The following CACNA2D1 variants were observed in gnomAD, a reference collection of about 807,000 sequenced individuals.
CACNA2D1 encodes the protein voltage-dependent calcium channel subunit alpha-2/delta-1.
CACNA2D1 carries 53 observed loss-of-function variants against 171.5 expected under a neutral mutation model. The observed-to-expected ratio is 0.31, with a 90% CI of 0.25 to 0.39. The LOEUF (loss-of-function observed/expected upper bound fraction) is 0.39, where lower values mean the gene tolerates loss of function less well. Ranked by LOEUF, CACNA2D1 falls within the 10% of genes least tolerant of loss-of-function variation. The pLI is 1.00. For synonymous variants in CACNA2D1, 442 were observed against 443.1 expected (o/e 1.00, Z 0.03); for missense variants, 903 against 1,299.8 (o/e 0.69, Z 4.69).
At chr7:82,426,855 A>T (rs141681080) in intron 1 of CACNA2D1, among the ~76,000 whole-genome samples, 15 of 152,254 alleles carry the variant, frequency 9.9e-5, no homozygotes, top group Admixed American at 4.6e-4. Flanking sequence ...CTGGGGTTTC[A>T]GTTACCCGCA....
chr7:82,295,882 G>A (rs1812215767), intron 3 of CACNA2D1, among the ~76,000 whole-genome samples: 1 of 151,872 alleles, frequency 6.6e-6, no homozygotes, highest in Admixed American at 6.6e-5. Context: ...ATGATAGACT[G>A]GATTAAGAAA....
intron 3 of CACNA2D1, among the ~76,000 whole-genome samples, chr7:82,186,144 G>A (rs866817893): frequency 2.2e-5 from 3 of 136,238 alleles, no homozygotes; most frequent in Admixed American, 7.9e-5. Flanking sequence ...TGACAAGAGC[G>A]AAACTCTGTC....
At chr7:82,139,792 T>C (rs937872637) in intron 4 of CACNA2D1, among the ~76,000 whole-genome samples, 2 of 151,594 alleles carry the variant, frequency 1.3e-5, no homozygotes, top group African/African-American at 2.4e-5. Flanking sequence ...TTTTTTTTTT[T>C]TTTCTTTATT....
At chr7:82,355,596 C>T (rs1820329377) in intron 1 of CACNA2D1, among the ~76,000 whole-genome samples, 1 of 152,048 alleles carries the variant, frequency 6.6e-6, no homozygotes, top group South Asian at 2.1e-4. Context: ...ATGTCTTATC[C>T]TTTTCCTAAC....
intron 3 of CACNA2D1, among the ~76,000 whole-genome samples, chr7:82,318,567 G>T (rs1351224986): frequency 1.3e-5 from 2 of 152,040 alleles, no homozygotes; most frequent in Non-Finnish European, 2.9e-5. Context: ...GAATAAAAAG[G>T]CTAGACCCCT....
chr7:82,234,200 T>A (rs1040485024), intron 3 of CACNA2D1, among the ~76,000 whole-genome samples: 7 of 152,092 alleles, frequency 4.6e-5, no homozygotes, highest in Non-Finnish European at 7.4e-5. Flanking sequence ...GAGGATAAAA[T>A]GAATTATGTG....
intron 3 of CACNA2D1, among the ~76,000 whole-genome samples, chr7:82,278,485 G>C (rs1016969751): frequency 1.3e-5 from 2 of 149,974 alleles, no homozygotes; most frequent in African/African-American, 4.9e-5. Context: ...TTGAGCCCAG[G>C]AGGCAGAGGT....
At chr7:82,129,917 A>C (rs1790755598) in intron 5 of CACNA2D1, among the ~76,000 whole-genome samples, 1 of 152,168 alleles carries the variant, frequency 6.6e-6, no homozygotes, top group Non-Finnish European at 1.5e-5. Flanking sequence ...ACAATAGGGC[A>C]AGCGTTTTCT....
At chr7:81,968,994 T>C in intron 28 of CACNA2D1, 21 bp from the exon 29 acceptor site, 1 of 1,220,584 alleles carries the variant, frequency 8.2e-7, no homozygotes, top group Non-Finnish European at 1.2e-6. Context: ...AATAAATAAA[T>C]AAAACACCTA....
intron 3 of CACNA2D1, among the ~76,000 whole-genome samples, chr7:82,283,466 T>C (rs569527649): frequency 6.6e-6 from 1 of 152,208 alleles, no homozygotes; most frequent in African/African-American, 2.4e-5. Flanking sequence ...TTAAAACATA[T>C]AATCAAATAG....
chr7:82,026,021 A>G (rs1183553146), intron 12 of CACNA2D1, among the ~76,000 whole-genome samples: 3 of 146,352 alleles, frequency 2.0e-5, no homozygotes, highest in Admixed American at 2.0e-4. Flanking sequence ...CTTTTATTAT[A>G]TAACATCCTT....
chr7:82,404,102 A>G (rs1826756574), intron 1 of CACNA2D1, among the ~76,000 whole-genome samples: 1 of 152,216 alleles, frequency 6.6e-6, no homozygotes, highest in Non-Finnish European at 1.5e-5. Flanking sequence ...CAATCTCTAC[A>G]GCAACTCAGT....
At chr7:82,060,175 TATAA>T (rs1320790789) in intron 10 of CACNA2D1, among the ~76,000 whole-genome samples, 2 of 31,794 alleles carry the variant, frequency 6.3e-5, no homozygotes, top group East Asian at 1.5e-3. Context: ...AATATATATA[TATAA>T]TATATATATA....
At chr7:81,994,828 T>C (rs1562837983) in intron 20 of CACNA2D1, 40 bp downstream of exon 20, 1 of 954,700 alleles carries the variant, frequency 1.0e-6, no homozygotes, top group Non-Finnish European at 1.7e-6. Context: ...TTATTCTTGA[T>C]ATAATTTTTA....
chr7:82,031,810 A>G (rs914800576), intron 12 of CACNA2D1, among the ~76,000 whole-genome samples: 1 of 151,974 alleles, frequency 6.6e-6, no homozygotes, highest in African/African-American at 2.4e-5. Flanking sequence ...AAGCACATAT[A>G]AAACAATCCA....
At chr7:82,415,362 C>T (rs1425281385) in intron 1 of CACNA2D1, among the ~76,000 whole-genome samples, 2 of 151,934 alleles carry the variant, frequency 1.3e-5, no homozygotes, top group Non-Finnish European at 2.9e-5. Context: ...GATGAAACCC[C>T]GTCTCTACTA....
chr7:82,381,955 A>C (rs572116845), intron 1 of CACNA2D1, among the ~76,000 whole-genome samples: 5 of 152,108 alleles, frequency 3.3e-5, no homozygotes, highest in African/African-American at 4.8e-5. Context: ...GTATAAATAA[A>C]TACAAAAATA....
At chr7:82,047,548 A>G (rs1804694339) in intron 10 of CACNA2D1, among the ~76,000 whole-genome samples, 1 of 152,152 alleles carries the variant, frequency 6.6e-6, no homozygotes, top group African/African-American at 2.4e-5. Context: ...ATAAGAACAC[A>G]AAGTTAACTT....
intron 4 of CACNA2D1, among the ~76,000 whole-genome samples, chr7:82,159,568 A>G (rs559928052): frequency 6.6e-6 from 1 of 151,914 alleles, no homozygotes; most frequent in East Asian, 1.9e-4. Context: ...ATTATTCTTC[A>G]GTCTCAGATA....
Sources: allele counts gnomAD v4.1 joint callset (sites outside exome capture counted in the v4.1 genomes callset), GRCh38; gene constraint gnomAD v4.1.1; transcripts MANE v1.5; gene names NCBI Gene and HGNC (gene_info 2026-07-23, HGNC 2026-07-21).